The following AGAP1 variants were observed in gnomAD, a reference collection of about 807,000 sequenced individuals.
AGAP1 encodes ArfGAP with GTPase domain, ankyrin repeat and PH domain 1, also known as arf-GAP with GTPase, ANK repeat and PH domain-containing protein 1.
A neutral mutation model predicts 105.3 loss-of-function variants in AGAP1; 29 were observed. That is an observed-to-expected ratio of 0.28 (90% CI 0.21 to 0.38). The LOEUF (loss-of-function observed/expected upper bound fraction) is 0.38, where lower values mean the gene tolerates loss of function less well. Ranked by LOEUF, AGAP1 falls within the 10% of genes least tolerant of loss-of-function variation. AGAP1 has a pLI of 1.00. For synonymous variants in AGAP1, 509 were observed against 485.9 expected, an observed-to-expected ratio of 1.05 and a Z score of -0.63; for missense variants, 998 against 1,165.1, an observed-to-expected ratio of 0.86 and a Z score of 2.09.
At chr2:235,794,633 G>A (rs754971613) in intron 6 of AGAP1, among the ~76,000 whole-genome samples, 1 of 152,052 alleles carries the variant, frequency 6.6e-6, no homozygotes, top group Non-Finnish European at 1.5e-5. Context: ...CACCACATCC[G>A]GCTAATTTTT....
chr2:235,751,041 C>T lies in AGAP1; in HGVS notation c.673+553C>T, dbSNP rs1953388546. Among the ~76,000 whole-genome samples the T allele has an allele frequency of 1.3e-5, 2 of 152,108 alleles. No individual in the cohort carries two copies. Among genetic ancestry groups the T allele is most frequent in the South Asian group, 2.1e-4 (1 of 4,832 alleles). ...AGGTTATTTTATTCATTATTGATCA[C>T]CTACCTTCAGGAACAGCCACAAATC... On this transcript the variant is annotated intron_variant, in intron 6 of 17. Coordinates refer to ENST00000304032, the MANE Select transcript of AGAP1 (RefSeq NM_001037131.3). This position sits in a 1 kb window ranked among gnomAD's most constrained non-coding sequence, Gnocchi z 5.3.
At chr2:235,703,966 C>G (rs374986422) in intron 1 of AGAP1, among the ~76,000 whole-genome samples, 7 of 152,294 alleles carry the variant, frequency 4.6e-5, no homozygotes, top group African/African-American at 1.7e-4. Flanking sequence ...TGAGCCACCT[C>G]GCGCCCGACC....
rs996363405 is a variant in AGAP1, at chr2:236,051,983, G to C, written c.2114+2702G>C. On this transcript the variant is annotated intron_variant, in intron 16 of 17. Transcript: ENST00000304032. The surrounding 1 kb of genome is among the most constrained non-coding windows in gnomAD (Gnocchi z 5.9). The stretch of plus-strand genomic sequence containing the variant: ...GTCGGGGCTGGAATCTCCGCAAGCC[G>C]GTCTGTCCATGACGTGAGAAGATTC... Among the ~76,000 whole-genome samples the C allele has an allele frequency of 3.3e-5, 5 of 152,108 alleles. No individual in the cohort carries two copies. Among genetic ancestry groups the C allele is most frequent in the Non-Finnish European group, 4.4e-5 (3 of 68,030 alleles).
chr2:236,066,839 T>A (rs572238111), intron 16 of AGAP1, among the ~76,000 whole-genome samples: 4 of 152,308 alleles, frequency 2.6e-5, no homozygotes, highest in Non-Finnish European at 1.5e-5. Context: ...GCCATGAATC[T>A]GACATCTGTC....
intron 6 of AGAP1, among the ~76,000 whole-genome samples, chr2:235,763,896 C>T (rs984444724): frequency 5.9e-5 from 9 of 152,292 alleles, no homozygotes; most frequent in South Asian, 2.1e-4. Context: ...CTTACAGATG[C>T]GCGCTTTTGG....
intron 1 of AGAP1, among the ~76,000 whole-genome samples, chr2:235,628,240 T>A (rs1364906443): frequency 6.6e-6 from 1 of 152,056 alleles, no homozygotes; most frequent in Non-Finnish European, 1.5e-5. Flanking sequence ...CTACAGTCCT[T>A]TCAGAGACTC....
chr2:235,506,227 G>A (rs555005851), intron 1 of AGAP1, among the ~76,000 whole-genome samples: 6 of 152,012 alleles, frequency 3.9e-5, no homozygotes, highest in South Asian at 2.1e-4. Flanking sequence ...CACTGTGCCC[G>A]GCCCTGTTTT....
In AGAP1 at chr2:236,083,166, A is replaced by G. The variant is rs1161751869; in HGVS notation, c.2114+33885A>G. On this transcript the variant is annotated intron_variant, in intron 16 of 17. Transcript: ENST00000304032. The surrounding 1 kb of genome is among the most constrained non-coding windows in gnomAD (Gnocchi z 5.3). ...GAAATTCCATCTCAAAAAAAAAGAA[A>G]AAGAAAAGAGGCCTCGCCTTCCATT... Among the ~76,000 whole-genome samples, 3 of 96,354 alleles carry G rather than the reference A, an allele frequency of 3.1e-5. No individual in the cohort carries two copies. The highest frequency in any genetic ancestry group is 1.1e-4 in the African/African-American group (3 of 26,762). 63.2% of individuals were successfully genotyped at this position (96,354 alleles called of 152,430 possible). A position where few individuals can be genotyped will look rare whatever the true frequency, so the allele number is the denominator to read the frequency against.
intron 6 of AGAP1, among the ~76,000 whole-genome samples, chr2:235,759,208 A>C (rs140555039): frequency 1.6e-5 from 2 of 128,544 alleles, no homozygotes; most frequent in Non-Finnish European, 1.6e-5. Flanking sequence ...TCGCTCTGTC[A>C]CCCAGGCTGG....
intron 1 of AGAP1, among the ~76,000 whole-genome samples, chr2:235,591,446 C>T (rs1318998799): frequency 2.0e-5 from 3 of 152,120 alleles, no homozygotes; most frequent in Admixed American, 6.6e-5. Flanking sequence ...ACAACAAAGG[C>T]GCACGGATTT....
At position 235,893,647 on chromosome 2, in the gene AGAP1, C is replaced by G. The variant is rs1452502978; in HGVS notation, c.1155+10198C>G. On this transcript the variant is annotated intron_variant, in intron 10 of 17. Transcript: ENST00000304032. This position sits in a 1 kb window ranked among gnomAD's most constrained non-coding sequence, Gnocchi z 4.7. ...GGCCCCATCTAGTGTACATCATTGC[C>G]TCGGGTGAGAATGTCCCTTTCTGCC... Among the ~76,000 whole-genome samples the G allele has an allele frequency of 6.6e-6, 1 of 152,184 alleles. No individual in the cohort carries two copies. The highest frequency in any genetic ancestry group is 2.1e-4 in the South Asian group (1 of 4,814).
intron 12 of AGAP1, among the ~76,000 whole-genome samples, chr2:235,939,099 T>G (rs534058533): frequency 6.6e-6 from 1 of 152,212 alleles, no homozygotes; most frequent in Non-Finnish European, 1.5e-5. Flanking sequence ...CCCAGAGAAT[T>G]GAACTGGGAG....
At chr2:235,597,664 A>G (rs1945570485) in intron 1 of AGAP1, among the ~76,000 whole-genome samples, 1 of 152,162 alleles carries the variant, frequency 6.6e-6, no homozygotes, top group Non-Finnish European at 1.5e-5. Context: ...TGGTGATGAA[A>G]AAAATGGATT....
chr2:236,116,008 T>C (rs150281958), intron 16 of AGAP1, among the ~76,000 whole-genome samples: 25 of 152,316 alleles, frequency 1.6e-4, no homozygotes, highest in African/African-American at 5.1e-4. Context: ...TTTCACTATG[T>C]TGGCCAGGCT....
In AGAP1 at chr2:235,813,993, A is replaced by G. The variant is rs117365570; in HGVS notation, c.1050+6662A>G. Among the ~76,000 whole-genome samples the G allele has an allele frequency of 2.9e-3, 440 of 152,206 alleles. 1 individual carries two copies. Among genetic ancestry groups the G allele is most frequent in the East Asian group, 0.02 (101 of 5,158 alleles). On this transcript the variant is annotated intron_variant, in intron 9 of 17. Transcript: ENST00000304032. The stretch of plus-strand genomic sequence containing the variant: ...TCCACGTCACCCACATCGTTCTGCC[A>G]TTGGTGGCCTGCCAGAGTCTGTTGG...
At chr2:235,666,036 C>T (rs548584478) in intron 1 of AGAP1, among the ~76,000 whole-genome samples, 31 of 152,136 alleles carry the variant, frequency 2.0e-4, no homozygotes, top group Admixed American at 2.0e-3. Flanking sequence ...AAACTTGGAA[C>T]TAAGGGAGCG....
At chr2:235,589,710 G>T (rs978014172) in intron 1 of AGAP1, among the ~76,000 whole-genome samples, 6 of 152,122 alleles carry the variant, frequency 3.9e-5, no homozygotes, top group Non-Finnish European at 7.4e-5. Context: ...GATAGATAGA[G>T]ATATAGAATG....
rs1359532965 is a variant in AGAP1, at chr2:236,124,386, C to T, written c.*264C>T. 9.5e-6 allele frequency: 5 copies of T among 526,104 alleles called. No homozygotes were observed. Among genetic ancestry groups the T allele is most frequent in the Non-Finnish European group, 1.7e-5 (5 of 290,454 alleles). 32.6% of individuals were successfully genotyped at this position (526,104 alleles called of 1,614,324 possible). On this transcript the variant is annotated 3_prime_UTR_variant, in exon 18 of 18. Transcript: ENST00000304032. This position sits in a 1 kb window ranked among gnomAD's most constrained non-coding sequence, Gnocchi z 5.1. ...ACACACAGGAGAGAGCGACGGGCCT[C>T]GGCCCTTTGATGATAGCACATGGCG...
chr2:235,815,237 A>G (rs1209242122), intron 9 of AGAP1, among the ~76,000 whole-genome samples: 2 of 152,144 alleles, frequency 1.3e-5, no homozygotes, highest in African/African-American at 4.8e-5. Context: ...TAAACAGCAC[A>G]AGTTGATCTC....
Sources: allele counts gnomAD v4.1 joint callset (sites outside exome capture counted in the v4.1 genomes callset), GRCh38; gene constraint gnomAD v4.1.1; non-coding constraint Gnocchi (gnomAD v3.1); transcripts MANE v1.5; gene names NCBI Gene and HGNC (gene_info 2026-07-23, HGNC 2026-07-21).